The following PCDHA5 variants were observed in gnomAD, a reference collection of about 807,000 sequenced individuals.
PCDHA5 encodes the protein protocadherin alpha 5.
In PCDHA5, 43 loss-of-function variants were observed where a neutral mutation model predicts 61.6. The observed-to-expected ratio is 0.70, with a 90% CI of 0.55 to 0.90. The LOEUF is 0.90. Ranked by LOEUF, PCDHA5 falls within the 40% of genes least tolerant of loss-of-function variation. The pLI is 0.00. For synonymous variants in PCDHA5, 627 were observed against 543.9 expected (o/e 1.15, Z -2.13); for missense variants, 1,298 against 1,222.7 (o/e 1.06, Z -0.92).
intron 1 of PCDHA5, chr5:140,843,376 C>G (rs1554140003): frequency 1.3e-6 from 2 of 1,595,956 alleles, no homozygotes; most frequent in Admixed American, 1.7e-5. Context: ...AGTCGGCTGG[C>G]GTTTTGGGTC....
intron 1 of PCDHA5, chr5:140,836,168 T>A: frequency 1.2e-6 from 2 of 1,613,802 alleles, no homozygotes; most frequent in Non-Finnish European, 1.7e-6. Flanking sequence ...CGAAGGTACG[T>A]GCAGTTGACG....
intron 1 of PCDHA5, among the ~76,000 whole-genome samples, chr5:140,925,641 T>TAATA (rs2082614636): frequency 7.0e-6 from 1 of 143,358 alleles, no homozygotes; most frequent in Non-Finnish European, 1.5e-5. Flanking sequence ...GAACTTAAAG[T>TAATA]ATAATAATAA....
At chr5:140,892,950 C>G (rs553307667) in intron 1 of PCDHA5, among the ~76,000 whole-genome samples, 21 of 152,188 alleles carry the variant, frequency 1.4e-4, no homozygotes, top group Non-Finnish European at 2.9e-4. Context: ...AATACTACTT[C>G]CATGAGCTCA....
intron 1 of PCDHA5, chr5:140,870,343 C>G (rs375366430): frequency 1.7e-5 from 28 of 1,614,042 alleles, no homozygotes; most frequent in Non-Finnish European, 2.2e-5. Context: ...CGCCCTGGAC[C>G]GCGAGAACGT....
At position 140,976,923 on chromosome 5, in the gene PCDHA5, C is replaced by T. The variant is rs2096737530; in HGVS notation, c.2353-2026C>T. Among the ~76,000 whole-genome samples the T allele has an allele frequency of 2.0e-5, 3 of 152,236 alleles. No individual in the cohort carries two copies. The South Asian group carries it at 6.2e-4, about 32-fold the overall frequency. On this transcript the variant is annotated intron_variant, in intron 1 of 3. Transcript: ENST00000529859. The stretch of plus-strand genomic sequence containing the variant: ...ATGTAATAAAGTGCAAAATCTAGTA[C>T]TGTGTAGCTACTTAAAACATATTAT...
At chr5:140,875,790 G>A (rs376091049) in intron 1 of PCDHA5, 1 of 1,614,214 alleles carries the variant, frequency 6.2e-7, no homozygotes, top group Non-Finnish European at 8.5e-7. Flanking sequence ...GTATCCACCT[G>A]GAGGTGATCG....
rs1554128295 is a variant in PCDHA5, at chr5:140,821,888, C to T, written c.113C>T (p.Ala38Val). The T allele has an allele frequency of 5.6e-6, 9 of 1,614,106 alleles. No homozygotes were observed. The highest frequency in any genetic ancestry group is 7.6e-6 in the Non-Finnish European group (9 of 1,180,044). Residue 38 changes from alanine to valine, a missense_variant, in exon 1 of 4, where the codon GCC (alanine) becomes GTC (valine). Ala to Val is a moderately conservative substitution (Grantham distance 64, BLOSUM62 0). Transcript: ENST00000529859. ...GQLHYSIPEE[A>V]KHGTFVGRIA... Reference sequence around the variant, plus strand: ...CTCCACTACTCGATCCCGGAGGAAGCCAAACACGGAACCTTCGTTGGCCGC... The same window carrying T: ...CTCCACTACTCGATCCCGGAGGAAGTCAAACACGGAACCTTCGTTGGCCGC...
chr5:140,962,852 T>G (rs2095713840), intron 1 of PCDHA5, among the ~76,000 whole-genome samples: 2 of 152,216 alleles, frequency 1.3e-5, no homozygotes, highest in Admixed American at 1.3e-4. Context: ...TAACTTGTGC[T>G]CGGTTTGTAG....
At chr5:140,954,065 G>A (rs2153701349) in intron 1 of PCDHA5, among the ~76,000 whole-genome samples, 1 of 152,278 alleles carries the variant, frequency 6.6e-6, no homozygotes, top group African/African-American at 2.4e-5. Context: ...TTATTATGCT[G>A]AGGATAATGG....
rs184181976 is a variant in PCDHA5, at chr5:141,009,882, A to C, written c.2756A>C (p.Lys919Thr). Reference protein sequence around the residue: ...KKKKKKKKGNKTQEKKEKGNS... With the variant: ...KKKKKKKKGNTTQEKKEKGNS... Reference sequence around the variant, plus strand: ...AAGAAGAAAAAGAAGAAGGGTAACAAGACCCAGGAGAAAAAAGAGAAAGGG... The same window carrying C: ...AAGAAGAAAAAGAAGAAGGGTAACACGACCCAGGAGAAAAAAGAGAAAGGG... The change falls in exon 4 of 4, where the codon AAG becomes ACG. Residue 919 changes from lysine (K) to threonine (T), a missense_variant. Physicochemically the swap from Lys to Thr is moderately conservative, Grantham distance 78. Transcript: ENST00000529859. 6.2e-7 allele frequency: 1 copy of C among 1,613,488 alleles called. No homozygotes were observed. Among genetic ancestry groups the C allele is most frequent in the Non-Finnish European group, 8.5e-7 (1 of 1,179,914 alleles).
rs1562298867 is a variant in PCDHA5, at chr5:140,828,664, A to C, written c.2352+4537A>C. On this transcript the variant is annotated intron_variant, in intron 1 of 3. Coordinates refer to ENST00000529859, the MANE Select transcript of PCDHA5 (RefSeq NM_018908.3). ...AAATAAACAGTGATGACAATAAACAAATTGGGCTCTTATTAAAGAAATCCT... is the reference window on the plus strand; with the variant it reads ...AAATAAACAGTGATGACAATAAACACATTGGGCTCTTATTAAAGAAATCCT... 1 of 1,614,094 alleles carries C rather than the reference A, an allele frequency of 6.2e-7. No homozygotes were observed. The highest frequency in any genetic ancestry group is 1.7e-5 in the Admixed American group (1 of 60,008).
chr5:140,839,264 A>G (rs1213155115), intron 1 of PCDHA5, among the ~76,000 whole-genome samples: 2 of 152,102 alleles, frequency 1.3e-5, no homozygotes, highest in African/African-American at 4.8e-5. Context: ...ACATGCATGT[A>G]TATTTAAAAC....
chr5:140,893,050 A>T (rs967159859), intron 1 of PCDHA5, among the ~76,000 whole-genome samples: 1 of 152,248 alleles, frequency 6.6e-6, no homozygotes, highest in Non-Finnish European at 1.5e-5. Context: ...CTCCAGGCTC[A>T]GCCATACTGC....
At chr5:140,992,820 TG>T (rs1554253214) in intron 3 of PCDHA5, among the ~76,000 whole-genome samples, 1 of 152,164 alleles carries the variant, frequency 6.6e-6, no homozygotes, top group Non-Finnish European at 1.5e-5. Flanking sequence ...AGGATGTGTT[TG>T]TTTTTTGGGA....
chr5:140,867,553 A>G (rs782238802), intron 1 of PCDHA5: 1 of 152,158 alleles, frequency 6.6e-6, no homozygotes, highest in Non-Finnish European at 1.5e-5. Context: ...GCATACACAT[A>G]TGATAACTTT....
At position 140,852,928 on chromosome 5, in the gene PCDHA5, G is replaced by A. The variant is rs2150525567; in HGVS notation, c.2352+28801G>A. 7.3e-5 allele frequency: 48 copies of A among 653,604 alleles called. 1 individual carries two copies. The highest frequency in any genetic ancestry group is 1.3e-4 in the East Asian group (1 of 7,716). 40.5% of individuals were successfully genotyped at this position (653,604 alleles called of 1,614,324 possible). ...GAGTCTCGCTCTGTTGCCCAGGCTG[G>A]AGTGCAGTGGTGCCATCTTGGCTCA... On this transcript the variant is annotated intron_variant, in intron 1 of 3. Transcript: ENST00000529859.
chr5:140,883,109 T>C (rs782237873), intron 1 of PCDHA5: 95 of 1,613,962 alleles, frequency 5.9e-5, no homozygotes, highest in Non-Finnish European at 8.0e-5. Context: ...AGTTTACTCA[T>C]TTAGAAGGCC....
At chr5:140,836,841 G>A in intron 1 of PCDHA5, 1 of 836,020 alleles carries the variant, frequency 1.2e-6, no homozygotes, top group South Asian at 2.1e-5. Context: ...ATAGCTTTAT[G>A]TATAATTATT....
At chr5:140,964,212 A>G (rs1195642946) in intron 1 of PCDHA5, among the ~76,000 whole-genome samples, 11 of 152,244 alleles carry the variant, frequency 7.2e-5, no homozygotes, top group African/African-American at 2.7e-4. Flanking sequence ...TCTTTAGTAC[A>G]ATGTCTTTCA....
Sources: gnomAD v4.1 joint callset for allele counts (sites outside exome capture counted in the v4.1 genomes callset) on GRCh38, gnomAD v4.1.1 for gene constraint, MANE v1.5 for transcripts, NCBI Gene and HGNC (gene_info 2026-07-23, HGNC 2026-07-21) for gene names.